Variants in HADH observed in about 807,000 individuals in gnomAD.
HADH encodes hydroxyacyl-coenzyme A dehydrogenase, mitochondrial.
In HADH, 24 loss-of-function variants were observed where a neutral mutation model predicts 32.2. The ratio of observed to expected loss-of-function variants is 0.75; its 90% confidence interval spans 0.54 to 1.05. The LOEUF (loss-of-function observed/expected upper bound fraction) is 1.05. Ranked by LOEUF, HADH falls within the 50% of genes least tolerant of loss-of-function variation. HADH has a pLI of 0.00. For synonymous variants in HADH, 139 were observed against 152.5 expected (o/e 0.91, Z 0.65); for missense variants, 350 against 397.1 (o/e 0.88, Z 1.01).
At position 108,009,770 on chromosome 4, in the gene HADH, A is replaced by T. The variant is rs79881095; in HGVS notation, c.144A>T (p.Ala48=). 2 of 1,613,758 alleles carry T rather than the reference A, an allele frequency of 1.2e-6. No individual in the cohort carries two copies. The highest frequency in any genetic ancestry group is 1.3e-5 in the African/African-American group (1 of 75,032). ...TTTTGTTGCTCTAGGTTGCTGCAGC[A>T]ACTGGTCACACAGTAGTGTTGGTAG... ...MGAGIAQVAA[A]TGHTVVLVDQ... is the part of the protein sequence containing the mutation. The change falls in exon 2 of 8, where the codon GCA becomes GCT. Residue 48 remains alanine (A), a synonymous_variant. Coordinates refer to ENST00000309522, the MANE Select transcript of HADH (RefSeq NM_005327.7).
intron 1 of HADH, among the ~76,000 whole-genome samples, chr4:107,990,843 G>T (rs1424666480): frequency 2.1e-5 from 3 of 146,098 alleles, no homozygotes; most frequent in Non-Finnish European, 4.5e-5. Context: ...TCCGCCTCCC[G>T]GGTTCAAGCG....
chr4:108,025,098 G>A (rs1349262991), intron 5 of HADH: 1 of 152,210 alleles, frequency 6.6e-6, no homozygotes, highest in Non-Finnish European at 1.5e-5. Flanking sequence ...GTTGCAAGTA[G>A]TCAGTTCTAT....
chr4:108,032,693 A>T (rs1736312407), intron 6 of HADH: 1 of 330,870 alleles, frequency 3.0e-6, no homozygotes, highest in African/African-American at 2.1e-5. Flanking sequence ...GTAGCTTTGA[A>T]AATCTTGGGC....
At chr4:108,007,252 G>A (rs902510553) in intron 1 of HADH, among the ~76,000 whole-genome samples, 12 of 151,978 alleles carry the variant, frequency 7.9e-5, no homozygotes, top group African/African-American at 2.4e-4. Flanking sequence ...GACTACAGGC[G>A]CCCGCCACCA....
At chr4:108,018,800 C>T (rs1179636377) in intron 3 of HADH, among the ~76,000 whole-genome samples, 1 of 152,180 alleles carries the variant, frequency 6.6e-6, no homozygotes, top group Non-Finnish European at 1.5e-5. Context: ...GCCTGGAAGT[C>T]AACCTGTTTA....
At chr4:108,028,595 TTAAAAC>T in intron 6 of HADH, 1 of 353,528 alleles carries the variant, frequency 2.8e-6, no homozygotes, top group Non-Finnish European at 5.0e-6. Flanking sequence ...GCTTTAAATA[TTAAAAC>T]TTTTCTCTAT....
At chr4:108,007,112 T>G (rs1290062756) in intron 1 of HADH, among the ~76,000 whole-genome samples, 2 of 152,054 alleles carry the variant, frequency 1.3e-5, no homozygotes, top group African/African-American at 4.8e-5. Flanking sequence ...TGTTTGTTTG[T>G]TTGTTTGTTT....
intron 6 of HADH, chr4:108,032,071 A>G (rs908264227): frequency 5.4e-6 from 2 of 367,574 alleles, no homozygotes; most frequent in Non-Finnish European, 9.7e-6. Flanking sequence ...TTAAAAATAT[A>G]TCTTCTTTAT....
At chr4:108,000,174 A>G (rs149726764) in intron 1 of HADH, among the ~76,000 whole-genome samples, 1 of 152,220 alleles carries the variant, frequency 6.6e-6, no homozygotes, top group South Asian at 2.1e-4. Context: ...CATCATCTAA[A>G]GTTGGTGTTG....
At position 108,032,384 on chromosome 4, in the gene HADH, T is replaced by G. The variant is rs745499167; in HGVS notation, c.710-792T>G. 8 of 1,586,382 alleles carry G rather than the reference T, an allele frequency of 5.0e-6. No homozygotes were observed. The South Asian group carries it at 8.9e-5, about 18-fold the overall frequency. On this transcript the variant is annotated intron_variant, in intron 6 of 7. Coordinates refer to ENST00000309522, the MANE Select transcript of HADH (RefSeq NM_005327.7). ...TTGGGCTTTTCTTTAAAAGGTATCT[T>G]GACTAAAAGGTTTGTGTGAAATGTG... is the stretch of plus-strand genomic sequence containing the variant.
chr4:108,034,285 A>G lies in HADH; in HGVS notation c.873A>G (p.Pro291=), dbSNP rs1736381152. The change falls in exon 8 of 8, where the codon CCA becomes CCG. Residue 291 remains proline (P), a synonymous_variant. Coordinates refer to ENST00000309522, the MANE Select transcript of HADH (RefSeq NM_005327.7). ...DAENPLHQPS[P]SLNKLVAENK... ...AGAACCCATTACATCAGCCCAGCCC[A>G]TCCTTAAATAAGCTGGTAGCAGAGA... is the stretch of plus-strand genomic sequence containing the variant. The G allele has an allele frequency of 6.2e-7, 1 of 1,613,764 alleles. No homozygotes were observed. Among genetic ancestry groups the G allele is most frequent in the Non-Finnish European group, 8.5e-7 (1 of 1,179,716 alleles).
intron 1 of HADH, among the ~76,000 whole-genome samples, chr4:108,006,344 C>A (rs1735291982): frequency 6.6e-6 from 1 of 152,094 alleles, no homozygotes; most frequent in Non-Finnish European, 1.5e-5. Context: ...GGATAGGGAT[C>A]AGAGCCGACA....
At chr4:107,992,172 C>T (rs1734835660) in intron 1 of HADH, among the ~76,000 whole-genome samples, 1 of 151,946 alleles carries the variant, frequency 6.6e-6, no homozygotes, top group Admixed American at 6.6e-5. Context: ...AATAGGTGGA[C>T]CAGGGAGTGC....
chr4:108,022,961 C>T (rs1210521083), intron 4 of HADH, among the ~76,000 whole-genome samples: 3 of 151,696 alleles, frequency 2.0e-5, no homozygotes, highest in Non-Finnish European at 4.4e-5. Flanking sequence ...TATTTTAAGC[C>T]GTGATTTTGT....
At chr4:108,017,700 A>G (rs1735741530) in intron 3 of HADH, among the ~76,000 whole-genome samples, 1 of 152,042 alleles carries the variant, frequency 6.6e-6, no homozygotes, top group Admixed American at 6.5e-5. Context: ...GATTACAGGC[A>G]TGCGCTACCA....
At chr4:108,004,586 C>T in intron 1 of HADH, 1 of 1,344,824 alleles carries the variant, frequency 7.4e-7, no homozygotes, top group Non-Finnish European at 1.0e-6. Context: ...AATGAATAAT[C>T]CAAACTTGAA....
In HADH at chr4:108,034,475, T is replaced by C. The variant is rs1736391940; in HGVS notation, c.*118T>C. On this transcript the variant is annotated 3_prime_UTR_variant, in exon 8 of 8. Transcript: ENST00000309522. ...CCCTCACACAGTACAGTTTAATAAA[T>C]GTGCATTTTGATTGTAATCTATCGA... 1 of 763,538 alleles carries C rather than the reference T, an allele frequency of 1.3e-6. No individual in the cohort carries two copies. The highest frequency in any genetic ancestry group is 1.7e-5 in the Admixed American group (1 of 57,576). The allele number at this position is 763,538 out of a possible 1,614,324, so 47.3% of individuals were successfully genotyped here. A position where few individuals can be genotyped will look rare whatever the true frequency, so the allele number is the denominator to read the frequency against.
chr4:108,018,549 C>T (rs1029880276), intron 3 of HADH, among the ~76,000 whole-genome samples: 2 of 152,150 alleles, frequency 1.3e-5, no homozygotes, highest in African/African-American at 4.8e-5. Context: ...ACACTGGTCT[C>T]GCCTTTTACC....
intron 1 of HADH, among the ~76,000 whole-genome samples, chr4:108,004,069 G>T (rs1735208654): frequency 6.6e-6 from 1 of 152,198 alleles, no homozygotes; most frequent in Non-Finnish European, 1.5e-5. Flanking sequence ...GCCTTCCAGG[G>T]TCAAGAAAGG....
Sources: gnomAD v4.1 joint callset for allele counts (sites outside exome capture counted in the v4.1 genomes callset) on GRCh38, gnomAD v4.1.1 for gene constraint, MANE v1.5 for transcripts, NCBI Gene and HGNC (gene_info 2026-07-23, HGNC 2026-07-21) for gene names.